Variants in PHKB observed in about 807,000 individuals in gnomAD.
PHKB encodes phosphorylase b kinase regulatory subunit beta.
PHKB carries 122 observed loss-of-function variants against 152.1 expected under a neutral mutation model. The observed-to-expected ratio is 0.80, with a 90% CI of 0.69 to 0.93. The LOEUF is 0.93. Among genes scored for constraint, PHKB ranks in the 40% least tolerant of loss-of-function variants. The pLI, the probability that PHKB is intolerant of heterozygous loss-of-function variation, is 0.00. For missense variants in PHKB, 1,304 were observed against 1,328.4 expected (o/e 0.98, Z 0.29); for synonymous variants, 436 against 464.9 (o/e 0.94, Z 0.80).
chr16:47,506,942 G>A (rs1970430495), intron 4 of PHKB, among the ~76,000 whole-genome samples: 1 of 152,154 alleles, frequency 6.6e-6, no homozygotes, highest in Admixed American at 6.5e-5. Context: ...TTTTTTCCTT[G>A]TGGCACGGTT....
chr16:47,522,126 A>AT (rs1286409143), intron 6 of PHKB, among the ~76,000 whole-genome samples: 1 of 152,084 alleles, frequency 6.6e-6, no homozygotes, highest in African/African-American at 2.4e-5. Context: ...TTCCTCTTCT[A>AT]TTTTTTGAAG....
At chr16:47,616,510 AATATAAATATATATTTATAAT>A (rs1249086166) in intron 14 of PHKB, among the ~76,000 whole-genome samples, 1 of 146,114 alleles carries the variant, frequency 6.8e-6, no homozygotes, top group African/African-American at 2.5e-5. Context: ...TTTATATGTA[AATATAAATATATATTTATAAT>A]ATATAAATAT....
In PHKB at chr16:47,502,916, A is replaced by G; in HGVS notation, c.306-75A>G. On this transcript the variant is annotated intron_variant, in intron 3 of 30. Transcript: ENST00000323584. ...CACAGGATTAGCCAGATAGTTAAAT[A>G]CTTAATTATCAAAAGCTCTGCTTCC... The G allele has an allele frequency of 3.3e-6, 3 of 910,556 alleles. No individual in the cohort carries two copies. In the Admixed American group the frequency reaches 5.7e-5, roughly 17 times the overall value. 56.4% of individuals were successfully genotyped at this position (910,556 alleles called of 1,614,324 possible).
intron 25 of PHKB, among the ~76,000 whole-genome samples, chr16:47,666,616 T>C (rs1407810748): frequency 6.6e-6 from 1 of 152,260 alleles, no homozygotes; most frequent in Non-Finnish European, 1.5e-5. Flanking sequence ...TCCCACAATC[T>C]GTCCTGGGTC....
intron 7 of PHKB, 128 bp downstream of exon 7, chr16:47,547,676 T>A (rs1303933320): frequency 2.6e-5 from 17 of 658,536 alleles, no homozygotes; most frequent in South Asian, 1.7e-4. Flanking sequence ...TTTCTACCTA[T>A]GATGCAGATG....
rs1340339830 is a variant in PHKB, at chr16:47,681,581, T to C, written c.2631-7460T>C. ...GTTTAAAGTCTGTTTTATCAGAGAC[T>C]AGGATTGCAACCCCTGCCTTTTTTT... On this transcript the variant is annotated intron_variant, in intron 26 of 30. Coordinates refer to ENST00000323584, the MANE Select transcript of PHKB (RefSeq NM_000293.3). 6.6e-5 allele frequency among the ~76,000 whole-genome samples: 10 copies of C among 152,190 alleles called. No homozygotes were observed. The East Asian group carries it at 1.2e-3, about 18-fold the overall frequency.
chr16:47,687,497 A>G (rs1284951198), intron 26 of PHKB, among the ~76,000 whole-genome samples: 2 of 152,250 alleles, frequency 1.3e-5, no homozygotes, highest in Non-Finnish European at 2.9e-5. Context: ...GGAGAAATAT[A>G]AATGGTAAAT....
chr16:47,649,238 G>A, intron 18 of PHKB, 34 bp downstream of exon 18: 1 of 1,129,346 alleles, frequency 8.9e-7, no homozygotes, highest in Non-Finnish European at 1.4e-6. Flanking sequence ...AAAATGGAAT[G>A]AGTTTGTTTC....
At chr16:47,574,483 C>T (rs1567312044) in intron 7 of PHKB, among the ~76,000 whole-genome samples, 1 of 152,182 alleles carries the variant, frequency 6.6e-6, no homozygotes, top group Non-Finnish European at 1.5e-5. Flanking sequence ...AATCTCTGCA[C>T]GTTATTTTGC....
At position 47,664,894 on chromosome 16, in the gene PHKB, G is replaced by A. The variant is rs764078298; in HGVS notation, c.2346G>A (p.Val782=). 1.6e-5 allele frequency: 25 copies of A among 1,612,722 alleles called. No individual in the cohort carries two copies. In the South Asian group the frequency reaches 1.9e-4, roughly 12 times the overall value. Residue 782 remains valine, a synonymous_variant, in exon 25 of 31, where the codon GTG becomes GTA. Coordinates refer to ENST00000323584, the MANE Select transcript of PHKB (RefSeq NM_000293.3). ...RAGSQKLWLA[V]RYGAAFTQKF... is the part of the protein sequence containing the mutation. ...CCACTGACACACCCAGGTTGGCGGT[G>A]CGCTACGGGGCTGCATTTACCCAGA...
At chr16:47,683,056 G>C (rs1973892687) in intron 26 of PHKB, among the ~76,000 whole-genome samples, 1 of 152,222 alleles carries the variant, frequency 6.6e-6, no homozygotes, top group African/African-American at 2.4e-5. Flanking sequence ...CTGGGTATCA[G>C]CAGCAGTGGC....
At chr16:47,599,154 G>A (rs1390266725) in intron 13 of PHKB, among the ~76,000 whole-genome samples, 1 of 152,152 alleles carries the variant, frequency 6.6e-6, no homozygotes, top group Non-Finnish European at 1.5e-5. Context: ...ACATATTTTA[G>A]TAGAGTACTA....
At chr16:47,637,078 C>G (rs1418833986) in intron 14 of PHKB, among the ~76,000 whole-genome samples, 4 of 152,160 alleles carry the variant, frequency 2.6e-5, no homozygotes, top group African/African-American at 9.7e-5. Flanking sequence ...TTCAGGTCTC[C>G]TTGACTCATT....
At chr16:47,557,424 A>T (rs1215114913) in intron 7 of PHKB, among the ~76,000 whole-genome samples, 1 of 152,240 alleles carries the variant, frequency 6.6e-6, no homozygotes, top group African/African-American at 2.4e-5. Context: ...AGCAAAAGAA[A>T]CTACCACCAG....
intron 7 of PHKB, among the ~76,000 whole-genome samples, chr16:47,548,652 G>T (rs1004299171): frequency 6.6e-6 from 1 of 151,022 alleles, no homozygotes. Flanking sequence ...TGGTTGAGAG[G>T]AACCCAAAGT....
intron 25 of PHKB, among the ~76,000 whole-genome samples, chr16:47,666,646 G>C (rs754984866): frequency 6.6e-5 from 10 of 152,242 alleles, no homozygotes; most frequent in Non-Finnish European, 1.5e-4. Flanking sequence ...TTGAATGTGT[G>C]TCTCTCACCT....
intron 26 of PHKB, 101 bp from the exon 27 acceptor site, chr16:47,688,940 T>G: frequency 8.0e-7 from 1 of 1,254,108 alleles, no homozygotes; most frequent in Non-Finnish European, 1.2e-6. Context: ...TTCTTCATTC[T>G]CCTTTGAATG....
intron 7 of PHKB, chr16:47,565,324 A>ATC: frequency 1.3e-6 from 1 of 792,098 alleles, no homozygotes; most frequent in East Asian, 2.5e-5. Flanking sequence ...CATTCATCCC[A>ATC]TCTACTTTAT....
At chr16:47,515,692 G>C in intron 6 of PHKB, 91 bp downstream of exon 6, 1 of 710,934 alleles carries the variant, frequency 1.4e-6, no homozygotes, top group Non-Finnish European at 2.5e-6. Flanking sequence ...TTTAGTTTAT[G>C]TAAAATGTAT....
Sources: allele counts gnomAD v4.1 joint callset (sites outside exome capture counted in the v4.1 genomes callset), GRCh38; gene constraint gnomAD v4.1.1; transcripts MANE v1.5; gene names NCBI Gene and HGNC (gene_info 2026-07-23, HGNC 2026-07-21).